MACROH2A2: variants seen among roughly 807,000 people sequenced by gnomAD.
MACROH2A2 encodes the protein core histone macro-H2A.2.
In MACROH2A2, 6 loss-of-function variants were observed where a neutral mutation model predicts 37.6. The observed-to-expected ratio is 0.16, with a 90% CI of 0.09 to 0.32. The LOEUF (loss-of-function observed/expected upper bound fraction) is 0.32. Among genes scored for constraint, MACROH2A2 ranks in the 10% least tolerant of loss-of-function variants. The pLI is 1.00. For synonymous variants in MACROH2A2, 192 were observed against 202.7 expected (o/e 0.95, Z 0.45); for missense variants, 290 against 485.9 (o/e 0.60, Z 3.79).
chr10:70,075,746 C>A lies in MACROH2A2; in HGVS notation c.88C>A (p.Arg30Ser). Residue 30 changes from arginine to serine, a missense_variant, in exon 2 of 9, where the codon CGT (arginine) becomes AGT (serine). Arg to Ser is a moderately radical substitution (Grantham distance 110). This residue lies in a region of MACROH2A2 where 83 missense variants were observed against 159.9 expected (regional missense o/e 0.52). Transcript: ENST00000373255. The surrounding 1 kb of genome is among the most constrained non-coding windows in gnomAD (Gnocchi z 5.0). ...CATCTTTCCAGTGGGGAGGCTGATGCGTTATCTGAAGAAAGGGACGTTCAA... is the reference window on the plus strand; with the variant it reads ...CATCTTTCCAGTGGGGAGGCTGATGAGTTATCTGAAGAAAGGGACGTTCAA... ...GVIFPVGRLM[R>S]YLKKGTFKYR... 6.2e-7 allele frequency: 1 copy of A among 1,613,928 alleles called. No individual in the cohort carries two copies. The highest frequency in any genetic ancestry group is 1.1e-5 in the South Asian group (1 of 91,070).
At chr10:70,073,157 G>A (rs1229820435) in intron 1 of MACROH2A2, among the ~76,000 whole-genome samples, 1 of 152,166 alleles carries the variant, frequency 6.6e-6, no homozygotes, top group Non-Finnish European at 1.5e-5. Context: ...TCCATTTAGA[G>A]CACCACAACC....
chr10:70,100,013 A>G (rs1462785420), intron 6 of MACROH2A2, among the ~76,000 whole-genome samples, 195 bp from the exon 7 acceptor site: 5 of 152,228 alleles, frequency 3.3e-5, no homozygotes, highest in African/African-American at 1.2e-4. Context: ...AAGCTTGCCA[A>G]TCTAAGTCTG....
At chr10:70,083,726 A>C (rs1279347736) in intron 2 of MACROH2A2, among the ~76,000 whole-genome samples, 1 of 149,862 alleles carries the variant, frequency 6.7e-6, no homozygotes, top group Non-Finnish European at 1.5e-5. Context: ...TCTAGCCCCA[A>C]CCTGGTGAAG....
chr10:70,111,400 C>T (rs990486406), intron 8 of MACROH2A2, 118 bp from the exon 9 acceptor site: 2 of 835,600 alleles, frequency 2.4e-6, no homozygotes, highest in Admixed American at 5.1e-5. Context: ...CAAAGGAGAT[C>T]ATGCATGGAC....
At chr10:70,079,557 GCGCGCGCGCACACACACA>G in intron 2 of MACROH2A2, among the ~76,000 whole-genome samples, 2 of 108,694 alleles carry the variant, frequency 1.8e-5, no homozygotes, top group African/African-American at 8.0e-5. Flanking sequence ...GGGTTCGCGC[GCGCGCGCGCACACACACA>G]CACACACACA....
chr10:70,105,536 T>C (rs1396232442), intron 7 of MACROH2A2, among the ~76,000 whole-genome samples: 2 of 152,102 alleles, frequency 1.3e-5, no homozygotes, highest in East Asian at 3.9e-4. Flanking sequence ...AAGAAATGGA[T>C]AGACTCCAAG....
In MACROH2A2 at chr10:70,100,279, C is replaced by G; in HGVS notation, c.760C>G (p.Pro254Ala). 1 of 1,605,540 alleles carries G rather than the reference C, an allele frequency of 6.2e-7. No individual in the cohort carries two copies. The highest frequency in any genetic ancestry group is 8.5e-7 in the Non-Finnish European group (1 of 1,173,068). ...TVKELRKSQG[P>A]LEVAEAAVSQ... Reference sequence around the variant, plus strand: ...AAAGGAGCTTCGCAAATCCCAAGGCCCTTTGGAAGTCGCCGAAGGTAAGTG... The same window carrying G: ...AAAGGAGCTTCGCAAATCCCAAGGCGCTTTGGAAGTCGCCGAAGGTAAGTG... Residue 254 changes from proline (P) to alanine (A), a missense_variant, in exon 7 of 9, where the codon CCT (proline) becomes GCT (alanine). Physicochemically the swap from Pro to Ala is conservative, Grantham distance 27. This residue lies in a region of MACROH2A2 where 130 missense variants were observed against 257.1 expected (regional missense o/e 0.51). Transcript: ENST00000373255.
intron 2 of MACROH2A2, among the ~76,000 whole-genome samples, chr10:70,089,722 CCTGA>C (rs1164790228): frequency 2.0e-5 from 3 of 151,952 alleles, no homozygotes; most frequent in African/African-American, 7.3e-5. Context: ...TTCTCTGTGA[CCTGA>C]CTTATTTTTT....
chr10:70,111,476 A>C lies in MACROH2A2; in HGVS notation c.954-42A>C, dbSNP rs1338061442. Reference sequence around the variant, plus strand: ...GGCACTTCATGCTCCCATGGGTCCCAGGGACCAAAATGACATCGGCTCTTC... The same window carrying C: ...GGCACTTCATGCTCCCATGGGTCCCCGGGACCAAAATGACATCGGCTCTTC... On this transcript the variant is annotated intron_variant, in intron 8 of 8. Coordinates refer to ENST00000373255, the MANE Select transcript of MACROH2A2 (RefSeq NM_018649.3). The C allele has an allele frequency of 1.9e-6, 3 of 1,586,984 alleles. No individual in the cohort carries two copies. In the South Asian group the frequency reaches 3.4e-5, roughly 18 times the overall value.
chr10:70,083,121 C>T (rs1418369879), intron 2 of MACROH2A2, among the ~76,000 whole-genome samples: 1 of 152,072 alleles, frequency 6.6e-6, no homozygotes, highest in Non-Finnish European at 1.5e-5. Flanking sequence ...AGACAAGGAG[C>T]CTGGTGGGAA....
At chr10:70,059,780 C>G (rs918003960) in intron 1 of MACROH2A2, among the ~76,000 whole-genome samples, 1 of 152,196 alleles carries the variant, frequency 6.6e-6, no homozygotes, top group African/African-American at 2.4e-5. Context: ...CGTGGTCCAC[C>G]GCACCTTCCA....
intron 4 of MACROH2A2, among the ~76,000 whole-genome samples, chr10:70,092,784 T>C (rs1047022247): frequency 6.6e-6 from 1 of 152,188 alleles, no homozygotes; most frequent in African/African-American, 2.4e-5. Context: ...GGAACCTGCA[T>C]TTTATTTCTC....
chr10:70,053,415 G>C lies in MACROH2A2; in HGVS notation c.-60+415G>C, dbSNP rs894214346. ...GAGGCGCCCGGCCGCCGATGGGCAC[G>C]GGGCGATGGGTGGGGGGCTGCGCAG... is the stretch of plus-strand genomic sequence containing the variant. On this transcript the variant is annotated intron_variant, in intron 1 of 8. Transcript: ENST00000373255. The surrounding 1 kb of genome is among the most constrained non-coding windows in gnomAD (Gnocchi z 4.8). Among the ~76,000 whole-genome samples the C allele has an allele frequency of 6.6e-6, 1 of 152,008 alleles. No homozygotes were observed. The highest frequency in any genetic ancestry group is 2.1e-4 in the South Asian group (1 of 4,826).
At chr10:70,100,372 C>G (rs2072299592) in intron 7 of MACROH2A2, 75 bp downstream of exon 7, 1 of 763,510 alleles carries the variant, frequency 1.3e-6, no homozygotes. Context: ...TCACGTGCCT[C>G]ATGCCTATTC....
At position 70,109,565 on chromosome 10, in the gene MACROH2A2, A is replaced by G. The variant is rs148589338; in HGVS notation, c.953+358A>G. On this transcript the variant is annotated intron_variant, in intron 8 of 8. Transcript: ENST00000373255. ...ATATTCCCACCAGCTGTCCATGTCCAGGACACATGATCAGAAAACGCCAGG... is the reference window on the plus strand; with the variant it reads ...ATATTCCCACCAGCTGTCCATGTCCGGGACACATGATCAGAAAACGCCAGG... 1.6e-4 allele frequency among the ~76,000 whole-genome samples: 24 copies of G among 152,342 alleles called. No individual in the cohort carries two copies. The East Asian group carries it at 4.6e-3, about 29-fold the overall frequency.
intron 1 of MACROH2A2, among the ~76,000 whole-genome samples, chr10:70,064,305 G>C (rs2072066827): frequency 6.6e-6 from 1 of 152,180 alleles, no homozygotes; most frequent in African/African-American, 2.4e-5. Flanking sequence ...GGGGGACAGA[G>C]GTTGCAATGA....
intron 1 of MACROH2A2, among the ~76,000 whole-genome samples, chr10:70,056,743 A>G (rs10999109): frequency 0.042 from 6,336 of 152,260 alleles, 424 homozygotes; most frequent in East Asian, 0.24. Context: ...CTTCAACATG[A>G]TTATGAGATT....
rs1027832138 is a variant in MACROH2A2 at position 70,095,849 on chromosome 10, G to T, written c.688+96G>T. The T allele has an allele frequency of 4.5e-6, 3 of 670,294 alleles. No homozygotes were observed. In the Admixed American group the frequency reaches 7.2e-5, roughly 16 times the overall value. 41.5% of individuals were successfully genotyped at this position (670,294 alleles called of 1,614,324 possible). On this transcript the variant is annotated intron_variant, in intron 6 of 8. Transcript: ENST00000373255. ...ATCATTGTCAACTGGCTGTCCCTCCGCTGGGGTCCCATGTCAAGCTCTGTC... is the reference window on the plus strand; with the variant it reads ...ATCATTGTCAACTGGCTGTCCCTCCTCTGGGGTCCCATGTCAAGCTCTGTC...
intron 2 of MACROH2A2, among the ~76,000 whole-genome samples, chr10:70,078,706 A>G (rs1233212489): frequency 1.3e-5 from 2 of 152,270 alleles, no homozygotes; most frequent in Non-Finnish European, 2.9e-5. Context: ...AGGACAAAGT[A>G]TAAATGACTA....
Sources: gnomAD v4.1 joint callset for allele counts (sites outside exome capture counted in the v4.1 genomes callset) on GRCh38, gnomAD v4.1.1 for gene constraint, gnomAD v4.1.1 regional missense constraint, Gnocchi (gnomAD v3.1) non-coding constraint, MANE v1.5 for transcripts, NCBI Gene and HGNC (gene_info 2026-07-23, HGNC 2026-07-21) for gene names.